DPP6: variants seen among roughly 807,000 people sequenced by gnomAD.
DPP6 encodes dipeptidyl peptidase like 6.
A neutral mutation model predicts 122.6 loss-of-function variants in DPP6; 69 were observed. That is an observed-to-expected ratio of 0.56 (90% CI 0.46 to 0.69). The LOEUF is 0.69. DPP6 is among the 30% of genes least tolerant of loss of function. The pLI is 0.00. For missense variants in DPP6, 928 were observed against 1,116.9 expected, an observed-to-expected ratio of 0.83 and a Z score of 2.41; for synonymous variants, 418 against 433.1, an observed-to-expected ratio of 0.97 and a Z score of 0.43.
intron 16 of DPP6, among the ~76,000 whole-genome samples, chr7:154,819,966 G>A (rs566656886): frequency 6.6e-6 from 1 of 152,330 alleles, no homozygotes; most frequent in East Asian, 1.9e-4. Flanking sequence ...ACTTGGCCAG[G>A]GAGACTTCCA....
intron 1 of DPP6, among the ~76,000 whole-genome samples, chr7:154,436,036 C>T (rs1818832441): frequency 3.3e-5 from 5 of 152,072 alleles, no homozygotes; most frequent in Admixed American, 3.3e-4. Context: ...CAATCCTGAC[C>T]TTTCTCTAGG....
At chr7:154,434,740 A>C (rs760346900) in intron 1 of DPP6, among the ~76,000 whole-genome samples, 1 of 152,082 alleles carries the variant, frequency 6.6e-6, no homozygotes. Flanking sequence ...CACGTTTTTG[A>C]TCAGGGCCTG....
At chr7:154,573,323 C>T (rs1563875324) in intron 5 of DPP6, among the ~76,000 whole-genome samples, 1 of 152,182 alleles carries the variant, frequency 6.6e-6, no homozygotes, top group Non-Finnish European at 1.5e-5. Context: ...AGAGCAGGGC[C>T]TGCGTGTGCC....
chr7:154,280,887 G>GT (rs1307509030), intron 1 of DPP6, among the ~76,000 whole-genome samples: 3 of 152,102 alleles, frequency 2.0e-5, no homozygotes, highest in Non-Finnish European at 4.4e-5. Context: ...ATTTTTCCAC[G>GT]TGAGGACACT....
At chr7:154,749,264 AGG>A (rs1472056216) in intron 8 of DPP6, among the ~76,000 whole-genome samples, 16 of 122,752 alleles carry the variant, frequency 1.3e-4, no homozygotes, top group African/African-American at 3.5e-4. Flanking sequence ...AGAGAGGGTG[AGG>A]GAGCATAGGA....
intron 1 of DPP6, among the ~76,000 whole-genome samples, chr7:154,160,466 T>C (rs868516995): frequency 6.6e-6 from 1 of 152,216 alleles, no homozygotes; most frequent in Admixed American, 6.5e-5. Context: ...ATGGGCAGGA[T>C]GAGCAGGAAG....
intron 7 of DPP6, among the ~76,000 whole-genome samples, chr7:154,680,367 A>G (rs938798942): frequency 1.3e-5 from 2 of 152,206 alleles, no homozygotes; most frequent in Non-Finnish European, 2.9e-5. Context: ...CATTCATAAC[A>G]CTGTTATCCA....
intron 13 of DPP6, among the ~76,000 whole-genome samples, chr7:154,802,427 C>T (rs1458461902): frequency 6.6e-6 from 1 of 152,090 alleles, no homozygotes; most frequent in Non-Finnish European, 1.5e-5. Context: ...CTTGGAGGTT[C>T]AGGTGCAATT....
intron 1 of DPP6, among the ~76,000 whole-genome samples, chr7:154,145,708 G>A (rs1373748349): frequency 1.8e-4 from 19 of 108,048 alleles, no homozygotes; most frequent in African/African-American, 5.7e-4. Flanking sequence ...GCTGATCTTC[G>A]CAAGTTCCCA....
intron 3 of DPP6, among the ~76,000 whole-genome samples, chr7:154,514,107 C>T: frequency 6.6e-6 from 1 of 152,054 alleles, no homozygotes; most frequent in Non-Finnish European, 1.5e-5. Flanking sequence ...AACCCTGTCT[C>T]TACTAAAATT....
chr7:153,786,812 A>G, the DPP6 span, among the ~76,000 whole-genome samples: 3 of 136,226 alleles, frequency 2.2e-5, no homozygotes, highest in African/African-American at 8.0e-5. Context: ...TTCTTTTTAT[A>G]TGTATACTAA....
At chr7:153,809,373 T>A in the DPP6 span, among the ~76,000 whole-genome samples, 1 of 152,158 alleles carries the variant, frequency 6.6e-6, no homozygotes, top group South Asian at 2.1e-4. Context: ...CAGTTCTACA[T>A]CATGTCTGCT....
At chr7:154,156,765 A>ACAGG (rs1563257870) in intron 1 of DPP6, among the ~76,000 whole-genome samples, 3 of 152,050 alleles carry the variant, frequency 2.0e-5, no homozygotes, top group African/African-American at 7.3e-5. Context: ...GGAGGTATAG[A>ACAGG]TAGGTAGGTA....
At chr7:153,844,021 G>A in the DPP6 span, among the ~76,000 whole-genome samples, 717 of 152,178 alleles carry the variant, frequency 4.7e-3, 6 homozygotes, top group African/African-American at 0.017. Flanking sequence ...CACAAGGGTC[G>A]CATTCCATTC....
At chr7:154,737,839 T>A (rs1260056710) in intron 8 of DPP6, among the ~76,000 whole-genome samples, 1 of 152,222 alleles carries the variant, frequency 6.6e-6, no homozygotes, top group African/African-American at 2.4e-5. Flanking sequence ...CCAACAGACC[T>A]TGATTTAAGC....
At chr7:154,510,136 G>A (rs1438142068) in intron 3 of DPP6, among the ~76,000 whole-genome samples, 1 of 152,052 alleles carries the variant, frequency 6.6e-6, no homozygotes, top group African/African-American at 2.4e-5. Context: ...GGTAATATAT[G>A]CATTATTGTT....
At chr7:154,429,180 T>A (rs60421498) in intron 1 of DPP6, among the ~76,000 whole-genome samples, 6 of 146,198 alleles carry the variant, frequency 4.1e-5, no homozygotes, top group Admixed American at 2.7e-4. Context: ...CTTAATCTGT[T>A]AAAAAAAAAA....
At chr7:154,108,302 C>T (rs1585393627) in intron 1 of DPP6, among the ~76,000 whole-genome samples, 1 of 152,154 alleles carries the variant, frequency 6.6e-6, no homozygotes, top group Non-Finnish European at 1.5e-5. Context: ...CATCTCTGAG[C>T]CTTGTTTCCT....
At chr7:154,424,957 A>G (rs1018894996) in intron 1 of DPP6, among the ~76,000 whole-genome samples, 4 of 152,186 alleles carry the variant, frequency 2.6e-5, no homozygotes, top group Admixed American at 6.5e-5. Context: ...TGCCGTGGTT[A>G]TTGCATTCTC....
Sources: allele counts gnomAD v4.1 joint callset (sites outside exome capture counted in the v4.1 genomes callset), GRCh38; gene constraint gnomAD v4.1.1; transcripts MANE v1.5; gene names NCBI Gene and HGNC (gene_info 2026-07-23, HGNC 2026-07-21).